Variants in DLG2 observed in about 807,000 individuals in gnomAD.
DLG2 encodes discs large MAGUK scaffold protein 2, also known as disks large homolog 2.
In DLG2, 45 loss-of-function variants were observed where a neutral mutation model predicts 132.5. The ratio of observed to expected loss-of-function variants is 0.34; its 90% CI spans 0.27 to 0.44. The LOEUF (loss-of-function observed/expected upper bound fraction) is 0.44, where lower values mean the gene tolerates loss of function less well. DLG2 is among the 20% of genes least tolerant of loss of function. The probability of loss-of-function intolerance (pLI) is 1.00; values close to 1 mark genes in which losing one functional copy is unlikely to be tolerated. For missense variants in DLG2, 1,045 were observed against 1,196.9 expected, an observed-to-expected ratio of 0.87 and a Z score of 1.87; for synonymous variants, 424 against 419.6, an observed-to-expected ratio of 1.01 and a Z score of -0.13.
intron 4 of DLG2, among the ~76,000 whole-genome samples, chr11:85,242,841 C>A (rs1428568476): frequency 6.6e-6 from 1 of 151,272 alleles, no homozygotes; most frequent in Non-Finnish European, 1.5e-5. Context: ...TCCCTTTTTT[C>A]CTTTTAAGTG....
intron 6 of DLG2, among the ~76,000 whole-genome samples, chr11:85,012,897 C>G (rs777790741): frequency 4.6e-5 from 7 of 152,074 alleles, no homozygotes; most frequent in South Asian, 4.1e-4. Flanking sequence ...TTTTATCACC[C>G]CTTAGAGCCT....
intron 3 of DLG2, among the ~76,000 whole-genome samples, chr11:85,394,210 A>G (rs867068287): frequency 6.6e-6 from 1 of 152,214 alleles, no homozygotes; most frequent in African/African-American, 2.4e-5. Flanking sequence ...AAAACAAATG[A>G]GGTAATATAT....
chr11:84,754,393 C>T (rs949956949), intron 6 of DLG2, among the ~76,000 whole-genome samples: 1 of 151,986 alleles, frequency 6.6e-6, no homozygotes, highest in Non-Finnish European at 1.5e-5. Context: ...TTTTATATAA[C>T]AATGCATCTG....
intron 6 of DLG2, among the ~76,000 whole-genome samples, chr11:85,031,972 T>TG (rs2061039356): frequency 6.8e-6 from 1 of 146,512 alleles, no homozygotes; most frequent in Non-Finnish European, 1.5e-5. Flanking sequence ...TTTTTTTTTT[T>TG]TGTATTTTCA....
intron 2 of DLG2, among the ~76,000 whole-genome samples, chr11:85,606,559 T>A (rs1207732899): frequency 2.0e-5 from 3 of 152,254 alleles, no homozygotes; most frequent in Admixed American, 6.5e-5. Flanking sequence ...ATCAGCAGGA[T>A]GTGGGTGGGG....
chr11:84,639,591 G>C (rs935476117), intron 6 of DLG2, among the ~76,000 whole-genome samples: 2 of 152,118 alleles, frequency 1.3e-5, no homozygotes, highest in Admixed American at 1.3e-4. Flanking sequence ...TAATTACTAA[G>C]ACTAAAACCC....
At chr11:85,188,862 C>G (rs2080317208) in intron 4 of DLG2, among the ~76,000 whole-genome samples, 2 of 152,024 alleles carry the variant, frequency 1.3e-5, no homozygotes. Context: ...ACCTCTAGGA[C>G]AACATCAAAC....
chr11:83,918,587 G>A (rs964782443), intron 15 of DLG2, among the ~76,000 whole-genome samples: 25 of 152,138 alleles, frequency 1.6e-4, no homozygotes, highest in Admixed American at 1.6e-3. Context: ...TGAATTAGAG[G>A]CTGACTTTAT....
chr11:84,533,905 C>CAAAAAAAAAAAAAAAAAAAAAAAAAA (rs558597260), intron 7 of DLG2, among the ~76,000 whole-genome samples: 13 of 70,284 alleles, frequency 1.8e-4, no homozygotes, highest in African/African-American at 5.3e-4. Flanking sequence ...CCAGTTCAGC[C>CAAAAAAAAAAAAAAAAAAAAAAAAAA]AAAAAAAAAA....
chr11:85,378,393 C>T (rs1401081329), intron 3 of DLG2, among the ~76,000 whole-genome samples: 1 of 152,096 alleles, frequency 6.6e-6, no homozygotes, highest in African/African-American at 2.4e-5. Flanking sequence ...CCAATTTCAT[C>T]ACTTACAAGC....
At chr11:84,634,476 G>A (rs760091966) in intron 6 of DLG2, among the ~76,000 whole-genome samples, 6 of 152,020 alleles carry the variant, frequency 3.9e-5, no homozygotes, top group South Asian at 2.1e-4. Context: ...AGTCACAGGC[G>A]GACAACTATT....
chr11:83,959,640 C>T (rs951553725), intron 14 of DLG2, among the ~76,000 whole-genome samples: 6 of 152,138 alleles, frequency 3.9e-5, no homozygotes, highest in Non-Finnish European at 7.4e-5. Context: ...AGCGAATCTA[C>T]GGATGAGAAA....
intron 6 of DLG2, among the ~76,000 whole-genome samples, chr11:84,605,220 TAC>T (rs1414206997): frequency 6.6e-6 from 1 of 151,984 alleles, no homozygotes; most frequent in Non-Finnish European, 1.5e-5. Context: ...GGCAATATAC[TAC>T]TACAGATTGT....
intron 8 of DLG2, among the ~76,000 whole-genome samples, chr11:84,244,097 T>C (rs1342699468): frequency 6.6e-6 from 1 of 152,218 alleles, no homozygotes; most frequent in African/African-American, 2.4e-5. Context: ...AAGTATGATG[T>C]ACAACTAAGC....
At chr11:85,086,093 T>A (rs1200613319) in intron 6 of DLG2, among the ~76,000 whole-genome samples, 1 of 152,174 alleles carries the variant, frequency 6.6e-6, no homozygotes, top group African/African-American at 2.4e-5. Context: ...AGCTATTTTT[T>A]AAATCACTCA....
At chr11:84,597,954 A>C (rs1369222145) in intron 6 of DLG2, among the ~76,000 whole-genome samples, 2 of 152,222 alleles carry the variant, frequency 1.3e-5, no homozygotes, top group African/African-American at 4.8e-5. Flanking sequence ...TACCATGAGA[A>C]TAGTGCTTAA....
At chr11:84,306,984 T>C (rs1466448572) in intron 7 of DLG2, among the ~76,000 whole-genome samples, 1 of 152,192 alleles carries the variant, frequency 6.6e-6, no homozygotes, top group East Asian at 1.9e-4. Context: ...AACAAACCCA[T>C]TACTGAGTAT....
chr11:83,949,740 G>A (rs1240618250), intron 14 of DLG2, among the ~76,000 whole-genome samples: 1 of 151,906 alleles, frequency 6.6e-6, no homozygotes, highest in Non-Finnish European at 1.5e-5. Context: ...TAATATCTTC[G>A]TGTTTCCCCC....
intron 3 of DLG2, among the ~76,000 whole-genome samples, chr11:85,382,150 A>T (rs532332366): frequency 6.6e-6 from 1 of 152,274 alleles, no homozygotes; most frequent in East Asian, 1.9e-4. Context: ...TCAAGACAGC[A>T]TGGTACTGAC....
Sources: allele counts gnomAD v4.1 joint callset (sites outside exome capture counted in the v4.1 genomes callset), GRCh38; gene constraint gnomAD v4.1.1; transcripts MANE v1.5; gene names NCBI Gene and HGNC (gene_info 2026-07-23, HGNC 2026-07-21).